FBLN5: variants seen among roughly 807,000 people sequenced by gnomAD.
The protein encoded by FBLN5 is fibulin 5, also known as fibulin-5.
A neutral mutation model predicts 61.6 loss-of-function variants in FBLN5; 24 were observed. That is an observed-to-expected ratio of 0.39 (90% confidence interval 0.28 to 0.55). The LOEUF is 0.55. Among genes scored for constraint, FBLN5 ranks in the 20% least tolerant of loss-of-function variants. FBLN5 has a pLI of 0.65. For missense variants in FBLN5, 470 were observed against 594.1 expected (o/e 0.79, Z 2.17); for synonymous variants, 213 against 219.8 (o/e 0.97, Z 0.27).
chr14:91,871,682 C>A lies in FBLN5; in HGVS notation c.1186-1297G>T, dbSNP rs552412090. On this transcript the variant is annotated intron_variant, in intron 10 of 10. Coordinates refer to ENST00000342058, the MANE Select transcript of FBLN5 (RefSeq NM_006329.4). ...GACCAGCCTGGCTGATATGGTGAAA[C>A]CCCATCTCTACTAAAACTAGAAAAA... 5.1e-4 allele frequency among the ~76,000 whole-genome samples: 77 copies of A among 152,144 alleles called. No homozygotes were observed. The Middle Eastern group carries it at 0.014, about 27-fold the overall frequency.
intron 9 of FBLN5, among the ~76,000 whole-genome samples, chr14:91,878,707 A>G (rs1159412233): frequency 2.0e-5 from 3 of 152,128 alleles, no homozygotes; most frequent in Non-Finnish European, 2.9e-5. Context: ...TATTTAGTTA[A>G]AGTCAACTCA....
chr14:91,925,718 G>A (rs1329974241), intron 4 of FBLN5, among the ~76,000 whole-genome samples: 2 of 152,226 alleles, frequency 1.3e-5, no homozygotes, highest in Admixed American at 6.5e-5. Context: ...TAATCTCACT[G>A]GAAGGTTCTT....
intron 5 of FBLN5, among the ~76,000 whole-genome samples, chr14:91,891,770 C>A (rs1341529542): frequency 6.6e-6 from 1 of 152,184 alleles, no homozygotes; most frequent in Non-Finnish European, 1.5e-5. Flanking sequence ...CTCAAAGATT[C>A]CATATAGAGG....
intron 10 of FBLN5, among the ~76,000 whole-genome samples, chr14:91,875,128 C>T (rs1889109789): frequency 6.6e-6 from 1 of 152,196 alleles, no homozygotes; most frequent in Non-Finnish European, 1.5e-5. Flanking sequence ...CTGTGCCCAA[C>T]TCTACATATA....
intron 3 of FBLN5, among the ~76,000 whole-genome samples, chr14:91,938,171 C>T (rs1040302278): frequency 1.3e-5 from 2 of 152,130 alleles, no homozygotes; most frequent in African/African-American, 4.8e-5. Context: ...AAAGACAAGG[C>T]TTAGGCTGGG....
chr14:91,923,003 C>T lies in FBLN5; in HGVS notation c.379+13944G>A, dbSNP rs118017460. Among the ~76,000 whole-genome samples, 1,043 of 152,288 alleles carry T rather than the reference C, an allele frequency of 6.8e-3. 2 individuals are homozygous for T. The highest frequency in any genetic ancestry group is 8.8e-3 in the Non-Finnish European group (601 of 68,026). ...TAATTAGCCCCTACAGCTTAGACTA[C>T]ATGCAAAATCAATGCCTCAAATGAG... On this transcript the variant is annotated intron_variant, in intron 4 of 10. Coordinates refer to ENST00000342058, the MANE Select transcript of FBLN5 (RefSeq NM_006329.4).
At chr14:91,925,095 C>T (rs1409984361) in intron 4 of FBLN5, among the ~76,000 whole-genome samples, 1 of 151,816 alleles carries the variant, frequency 6.6e-6, no homozygotes, top group Non-Finnish European at 1.5e-5. Flanking sequence ...TCCTGGGGGA[C>T]GTGTTAAGAC....
chr14:91,922,462 TC>T (rs1489951726), intron 4 of FBLN5, among the ~76,000 whole-genome samples: 2 of 152,104 alleles, frequency 1.3e-5, no homozygotes, highest in Non-Finnish European at 2.9e-5. Flanking sequence ...GAAGCAGTGT[TC>T]CAGTGGGAAT....
chr14:91,878,257 A>G (rs946684683), intron 9 of FBLN5, among the ~76,000 whole-genome samples: 9 of 152,228 alleles, frequency 5.9e-5, no homozygotes, highest in Non-Finnish European at 1.0e-4. Flanking sequence ...TGGAAATTCA[A>G]TGAATAATAA....
At chr14:91,906,442 C>A (rs1262286567) in intron 4 of FBLN5, among the ~76,000 whole-genome samples, 1 of 152,188 alleles carries the variant, frequency 6.6e-6, no homozygotes, top group Non-Finnish European at 1.5e-5. Flanking sequence ...AACATACCAC[C>A]TCCCAGTTGA....
At chr14:91,872,080 G>T (rs1260259446) in intron 10 of FBLN5, among the ~76,000 whole-genome samples, 1 of 152,110 alleles carries the variant, frequency 6.6e-6, no homozygotes, top group Admixed American at 6.5e-5. Flanking sequence ...CAGGTGGGGG[G>T]GCCCTGGCTG....
At chr14:91,903,337 GTTCTCCTCCCTTGATCAC>G (rs1952369137) in intron 4 of FBLN5, among the ~76,000 whole-genome samples, 1 of 152,096 alleles carries the variant, frequency 6.6e-6, no homozygotes, top group African/African-American at 2.4e-5. Context: ...CTTCCAGAAG[GTTCTCCTCCCTTGATCAC>G]TGGTGGGGTT....
In FBLN5 at chr14:91,919,492, T is replaced by C. The variant is rs113817181; in HGVS notation, c.379+17455A>G. On this transcript the variant is annotated intron_variant, in intron 4 of 10. Transcript: ENST00000342058. ...CCACTGGAGGAAGAGGGCTGTGTCCTGTGTTATAGGGTGAATCGTGTCCCT... is the reference window on the plus strand; with the variant it reads ...CCACTGGAGGAAGAGGGCTGTGTCCCGTGTTATAGGGTGAATCGTGTCCCT... Among the ~76,000 whole-genome samples the C allele has an allele frequency of 3.3e-5, 5 of 152,204 alleles. No homozygotes were observed. In the East Asian group the frequency reaches 5.8e-4, roughly 18 times the overall value.
At chr14:91,912,039 T>C (rs1890967844) in intron 4 of FBLN5, among the ~76,000 whole-genome samples, 1 of 151,910 alleles carries the variant, frequency 6.6e-6, no homozygotes, top group African/African-American at 2.4e-5. Context: ...TTACATTGTA[T>C]ACATATTAGT....
intron 10 of FBLN5, among the ~76,000 whole-genome samples, chr14:91,873,122 C>A (rs542988906): frequency 3.6e-4 from 55 of 152,190 alleles, no homozygotes; most frequent in Non-Finnish European, 6.5e-4. Context: ...CCACAAGCAC[C>A]TGGAAGAGCT....
intron 2 of FBLN5, among the ~76,000 whole-genome samples, chr14:91,941,735 C>T (rs1223212424): frequency 1.3e-5 from 2 of 151,976 alleles, no homozygotes; most frequent in African/African-American, 4.8e-5. Context: ...CTAGCCCCTA[C>T]TCTCTGCGTA....
At chr14:91,910,712 T>A (rs1890883026) in intron 4 of FBLN5, among the ~76,000 whole-genome samples, 1 of 151,986 alleles carries the variant, frequency 6.6e-6, no homozygotes, top group African/African-American at 2.4e-5. Context: ...ACAGCCCACA[T>A]CTCTTCTGTA....
In FBLN5 at chr14:91,903,502, T is replaced by C. The variant is rs1595315598; in HGVS notation, c.380-8430A>G. On this transcript the variant is annotated intron_variant, in intron 4 of 10. Transcript: ENST00000342058. ...TTTTTTAACTGAGTACTCATGAACA[T>C]AGTTTCTACATGCTGTGGATCCTGA... Among the ~76,000 whole-genome samples, 2 of 152,300 alleles carry C rather than the reference T, an allele frequency of 1.3e-5. 1 individual carries two copies.
In FBLN5 at chr14:91,925,076, C is replaced by T. The variant is rs558700650; in HGVS notation, c.379+11871G>A. On this transcript the variant is annotated intron_variant, in intron 4 of 10. Coordinates refer to ENST00000342058, the MANE Select transcript of FBLN5 (RefSeq NM_006329.4). ...GGATGCAAAGTCTGTTCTGTCTGAC[C>T]TCACTGATTCCTGGGGGACGTGTTA... Among the ~76,000 whole-genome samples the T allele has an allele frequency of 3.9e-5, 6 of 152,334 alleles. 1 individual carries two copies. The South Asian group carries it at 1.2e-3, about 32-fold the overall frequency.
Sources: allele counts gnomAD v4.1 joint callset (sites outside exome capture counted in the v4.1 genomes callset), GRCh38; gene constraint gnomAD v4.1.1; transcripts MANE v1.5; gene names NCBI Gene and HGNC (gene_info 2026-07-23, HGNC 2026-07-21).